RNF2: variants seen among roughly 807,000 people sequenced by gnomAD.
RNF2 encodes ring finger protein 2, also known as E3 ubiquitin-protein ligase RING2.
Under a neutral mutation model 37.2 loss-of-function variants are expected in RNF2, and 6 were observed. The observed-to-expected ratio is 0.16, with a 90% CI of 0.09 to 0.32. RNF2 has a LOEUF of 0.32. Among genes scored for constraint, RNF2 ranks in the 10% least tolerant of loss-of-function variants. The probability of loss-of-function intolerance (pLI) is 1.00; values close to 1 mark genes in which losing one functional copy is unlikely to be tolerated. For missense variants in RNF2, 251 were observed against 404.0 expected (o/e 0.62, Z 3.25); for synonymous variants, 133 against 132.7 (o/e 1.00, Z -0.02).
intron 1 of RNF2, among the ~76,000 whole-genome samples, chr1:185,073,197 T>A (rs573803587): frequency 6.6e-6 from 1 of 152,134 alleles, no homozygotes; most frequent in African/African-American, 2.4e-5. Flanking sequence ...TTTATGGGTT[T>A]TTTGCTACTA....
Position 185,068,828 on chromosome 1 carries a change from T to C in RNF2, c.-2-18724T>C, listed in dbSNP as rs1650877065. ...CAGTTTACCTAAACTCTTTCTCCTT[T>C]TGGGGAGTATAATTTATAGCTCACT... On this transcript the variant is annotated intron_variant, in intron 1 of 6. Coordinates refer to ENST00000367510, the MANE Select transcript of RNF2 (RefSeq NM_007212.4). Among the ~76,000 whole-genome samples the C allele has an allele frequency of 2.6e-5, 4 of 152,326 alleles. No individual in the cohort carries two copies. The South Asian group carries it at 8.3e-4, about 32-fold the overall frequency.
At position 185,101,382 on chromosome 1, in the gene RNF2, C is replaced by G. The variant is rs1652073101; in HGVS notation, c.*1081C>G. 1 of 152,460 alleles carries G rather than the reference C, an allele frequency of 6.6e-6. No individual in the cohort carries two copies. Among genetic ancestry groups the G allele is most frequent in the Admixed American group, 6.6e-5 (1 of 15,254 alleles). 9.4% of individuals were successfully genotyped at this position (152,460 alleles called of 1,614,324 possible). ...GTAGAAGGTTAATAGAGCTTGAGCCCTGCTTTAATATGTAGTGAAAGATAA... is the reference window on the plus strand; with the variant it reads ...GTAGAAGGTTAATAGAGCTTGAGCCGTGCTTTAATATGTAGTGAAAGATAA... On this transcript the variant is annotated 3_prime_UTR_variant, in exon 7 of 7. Transcript: ENST00000367510.
At chr1:185,091,386 CAGT>C (rs892822239) in intron 2 of RNF2, among the ~76,000 whole-genome samples, 190 bp from the exon 3 acceptor site, 15 of 152,164 alleles carry the variant, frequency 9.9e-5, no homozygotes, top group African/African-American at 3.6e-4. Context: ...ATTTTTATAA[CAGT>C]GGTGGTGAGG....
At chr1:185,056,592 A>G (rs889717442) in intron 1 of RNF2, among the ~76,000 whole-genome samples, 11 of 152,080 alleles carry the variant, frequency 7.2e-5, no homozygotes, top group East Asian at 1.9e-4. Flanking sequence ...GCTGGTCTCA[A>G]ACTCCTGGCC....
intron 1 of RNF2, among the ~76,000 whole-genome samples, chr1:185,064,622 A>G (rs913840463): frequency 7.9e-5 from 12 of 152,260 alleles, no homozygotes; most frequent in African/African-American, 2.9e-4. Context: ...GATATTTTCA[A>G]TTTTTGATAG....
Position 185,091,585 on chromosome 1 carries a change from A to G in RNF2, c.94A>G (p.Ile32Val), listed in dbSNP as rs781363917. The G allele has an allele frequency of 3.1e-6, 5 of 1,613,334 alleles. No homozygotes were observed. Among genetic ancestry groups the G allele is most frequent in the African/African-American group, 2.7e-5 (2 of 74,930 alleles). ...TAAAGTGACTCTTTTACAGGAGGCA[A>G]TAACAGATGGCTTAGAAATTGTGGT... Reference protein sequence around the residue: ...YELQRTPQEAITDGLEIVVSP... With the variant: ...YELQRTPQEAVTDGLEIVVSP... Residue 32 changes from isoleucine to valine, a missense_variant, in exon 3 of 7, where the codon ATA becomes GTA. Physicochemically the swap from Ile to Val is conservative, Grantham distance 29. This residue lies in a region of RNF2 where 43 missense variants were observed against 82.7 expected (regional missense o/e 0.52). Coordinates refer to ENST00000367510, the MANE Select transcript of RNF2 (RefSeq NM_007212.4).
At chr1:185,069,783 C>T (rs1571305381) in intron 1 of RNF2, among the ~76,000 whole-genome samples, 1 of 152,176 alleles carries the variant, frequency 6.6e-6, no homozygotes, top group Non-Finnish European at 1.5e-5. Flanking sequence ...CCCGAAATAT[C>T]TCTGTTCAGT....
chr1:185,056,926 C>T (rs1009921982), intron 1 of RNF2, among the ~76,000 whole-genome samples: 2 of 151,934 alleles, frequency 1.3e-5, no homozygotes, highest in Non-Finnish European at 2.9e-5. Context: ...GCTCTATTTT[C>T]CTTTGGAAAT....
In RNF2 at chr1:185,085,308, C is replaced by A. The variant is rs145800539; in HGVS notation, c.-2-2244C>A. 5.4e-3 allele frequency among the ~76,000 whole-genome samples: 823 copies of A among 151,880 alleles called. 32 individuals are homozygous for A. The East Asian group carries it at 0.084, about 15-fold the overall frequency. On this transcript the variant is annotated intron_variant, in intron 1 of 6. Transcript: ENST00000367510. Reference sequence around the variant, plus strand: ...GGACTACAGGCGCCCGCCACCGTGCCCAGCTAATTTTTTGTATTTTTAGTA... The same window carrying A: ...GGACTACAGGCGCCCGCCACCGTGCACAGCTAATTTTTTGTATTTTTAGTA...
intron 1 of RNF2, among the ~76,000 whole-genome samples, chr1:185,046,534 T>C (rs1210133010): frequency 1.3e-5 from 2 of 152,206 alleles, no homozygotes; most frequent in African/African-American, 4.8e-5. Context: ...ATTTGCCCGC[T>C]AAGATCAATT....
intron 1 of RNF2, among the ~76,000 whole-genome samples, chr1:185,085,843 G>T (rs984082569): frequency 6.6e-6 from 1 of 151,802 alleles, no homozygotes; most frequent in Non-Finnish European, 1.5e-5. Flanking sequence ...TAGTAGAGAC[G>T]GTTTCACCAT....
chr1:185,077,625 G>GTTTTT lies in RNF2; in HGVS notation c.-2-9918_-2-9914dup, dbSNP rs528747420. 3.1e-4 allele frequency among the ~76,000 whole-genome samples: 36 copies of GTTTTT among 115,674 alleles called. 1 individual carries two copies. Among genetic ancestry groups the GTTTTT allele is most frequent in the African/African-American group, 1.1e-3 (34 of 30,490 alleles). 75.9% of individuals were successfully genotyped at this position (115,674 alleles called of 152,430 possible). A position where few individuals can be genotyped will look rare whatever the true frequency, so the allele number is the denominator to read the frequency against. Reference sequence around the variant, plus strand: ...TTTTTAATTGTTAGGAATTAACTTTGTTTTTTTTTTTTTGGCTAGAAATTT... The same window carrying GTTTTT: ...TTTTTAATTGTTAGGAATTAACTTTGTTTTTTTTTTTTTTTTTTGGCTAGAAATTT... On this transcript the variant is annotated intron_variant, in intron 1 of 6. Coordinates refer to ENST00000367510, the MANE Select transcript of RNF2 (RefSeq NM_007212.4).
At chr1:185,069,826 A>G (rs989526806) in intron 1 of RNF2, among the ~76,000 whole-genome samples, 1 of 152,228 alleles carries the variant, frequency 6.6e-6, no homozygotes, top group African/African-American at 2.4e-5. Context: ...TCCAGGAACC[A>G]AATATTTAGC....
chr1:185,100,192 T>G lies in RNF2; in HGVS notation c.910-8T>G. On this transcript the variant is annotated splice_polypyrimidine_tract_variant and splice_region_variant and intron_variant, in intron 6 of 6. Coordinates refer to ENST00000367510, the MANE Select transcript of RNF2 (RefSeq NM_007212.4). ...TTTTCATAATTTTTTCTTTCTTTTT[T>G]GTTTTAGGTATTAAATGGCTCTTTT... 3 of 1,570,506 alleles carry G rather than the reference T, an allele frequency of 1.9e-6. No individual in the cohort carries two copies. Among genetic ancestry groups the G allele is most frequent in the Non-Finnish European group, 2.6e-6 (3 of 1,161,592 alleles).
At chr1:185,059,506 T>G (rs999647644) in intron 1 of RNF2, among the ~76,000 whole-genome samples, 112 of 152,352 alleles carry the variant, frequency 7.4e-4, no homozygotes, top group African/African-American at 2.6e-3. Flanking sequence ...GTGTTATCTC[T>G]AATCACATTA....
intron 1 of RNF2, among the ~76,000 whole-genome samples, chr1:185,081,039 G>A (rs559606686): frequency 5.3e-5 from 8 of 152,198 alleles, no homozygotes; most frequent in African/African-American, 1.7e-4. Flanking sequence ...GATCTATCTA[G>A]GATATATGTT....
rs144432052 is a variant in RNF2, at chr1:185,076,623, G to C, written c.-2-10929G>C. On this transcript the variant is annotated intron_variant, in intron 1 of 6. Coordinates refer to ENST00000367510, the MANE Select transcript of RNF2 (RefSeq NM_007212.4). ...TTTTTTTTTTATGTTAATCCTTCCA[G>C]AATTTTAAAATTCACTTATTTGTTT... Among the ~76,000 whole-genome samples the C allele has an allele frequency of 4.2e-3, 638 of 150,848 alleles. 4 individuals carry two copies. Among genetic ancestry groups the C allele is most frequent in the Non-Finnish European group, 6.1e-3 (413 of 67,730 alleles).
intron 5 of RNF2, 79 bp from the exon 6 acceptor site, chr1:185,099,712 G>T: frequency 1.7e-6 from 2 of 1,183,286 alleles, no homozygotes; most frequent in Non-Finnish European, 1.2e-6. Context: ...TTTAAGAAAT[G>T]TATTAGTTCC....
intron 6 of RNF2, 92 bp downstream of exon 6, chr1:185,100,054 G>C (rs1162937378): frequency 1.9e-5 from 25 of 1,300,042 alleles, no homozygotes; most frequent in Non-Finnish European, 2.7e-5. Flanking sequence ...AATAAATAAT[G>C]TAAAAAACCG....
Sources: gnomAD v4.1 joint callset for allele counts (sites outside exome capture counted in the v4.1 genomes callset) on GRCh38, gnomAD v4.1.1 for gene constraint, gnomAD v4.1.1 regional missense constraint, MANE v1.5 for transcripts, NCBI Gene and HGNC (gene_info 2026-07-23, HGNC 2026-07-21) for gene names.